RHBDD1: variants seen among roughly 807,000 people sequenced by gnomAD.
RHBDD1 encodes rhomboid domain containing 1, also known as rhomboid-related protein 4.
In RHBDD1, 38 loss-of-function variants were observed where a neutral mutation model predicts 36.3. That is an observed-to-expected ratio of 1.05 (90% confidence interval 0.81 to 1.37). The LOEUF is 1.37. Among genes scored for constraint, RHBDD1 ranks in the 40% most tolerant of loss-of-function variants. RHBDD1 has a pLI of 0.00. For missense variants in RHBDD1, 393 were observed against 377.6 expected (o/e 1.04, Z -0.34); for synonymous variants, 151 against 136.5 (o/e 1.11, Z -0.74).
At chr2:226,879,386 T>C (rs1945518066) in intron 5 of RHBDD1, among the ~76,000 whole-genome samples, 1 of 152,178 alleles carries the variant, frequency 6.6e-6, no homozygotes, top group African/African-American at 2.4e-5. Flanking sequence ...TTCTGCTAAT[T>C]TATTGTCTTT....
At chr2:226,838,541 A>G (rs1033175603) in intron 2 of RHBDD1, among the ~76,000 whole-genome samples, 1 of 152,210 alleles carries the variant, frequency 6.6e-6, no homozygotes, top group African/African-American at 2.4e-5. Context: ...AGGCCATTGA[A>G]TTAAATGAAA....
intron 5 of RHBDD1, chr2:226,867,726 C>CA: frequency 1.2e-6 from 1 of 801,944 alleles, no homozygotes; most frequent in Non-Finnish European, 1.5e-6. Flanking sequence ...TATTATTATT[C>CA]TTTTTTTTTT....
chr2:226,831,412 T>C (rs1381458580), upstream of RHBDD1, among the ~76,000 whole-genome samples: 3 of 152,170 alleles, frequency 2.0e-5, no homozygotes, highest in African/African-American at 7.2e-5. Context: ...TGTAATTCAT[T>C]AAGATGAGGT....
At chr2:226,968,396 C>G (rs1329059002) in intron 8 of RHBDD1, among the ~76,000 whole-genome samples, 2 of 152,182 alleles carry the variant, frequency 1.3e-5, no homozygotes, top group Non-Finnish European at 1.5e-5. Context: ...AAGCTGTAGT[C>G]CACAAGCAGA....
In RHBDD1 at chr2:226,864,621, T is replaced by A; in HGVS notation, c.-73T>A. ...TGTTTTAGGTTCAGCCGTCTGTATATCTCCCCAGATACCTGAAACTGACCA... is the reference window on the plus strand; with the variant it reads ...TGTTTTAGGTTCAGCCGTCTGTATAACTCCCCAGATACCTGAAACTGACCA... On this transcript the variant is annotated 5_prime_UTR_variant, in exon 4 of 9. The change creates a premature stop within an existing upstream ORF in the 5' untranslated region. Transcript: ENST00000392062. 1 of 1,222,620 alleles carries A rather than the reference T, an allele frequency of 8.2e-7. No homozygotes were observed. Among genetic ancestry groups the A allele is most frequent in the Non-Finnish European group, 1.2e-6 (1 of 852,122 alleles). 75.7% of individuals were successfully genotyped at this position (1,222,620 alleles called of 1,614,324 possible).
chr2:226,875,957 C>T (rs1283366749), intron 5 of RHBDD1, among the ~76,000 whole-genome samples: 3 of 152,192 alleles, frequency 2.0e-5, no homozygotes, highest in Non-Finnish European at 2.9e-5. Flanking sequence ...GGATGGAAAT[C>T]GGATTTGCCA....
the RHBDD1 span, among the ~76,000 whole-genome samples, chr2:226,807,328 T>C: frequency 6.6e-6 from 1 of 152,168 alleles, no homozygotes; most frequent in Non-Finnish European, 1.5e-5. Flanking sequence ...AAGGAGAAAA[T>C]AGTGGTTTTC....
chr2:226,940,311 A>G (rs1950583926), intron 8 of RHBDD1, among the ~76,000 whole-genome samples: 1 of 152,192 alleles, frequency 6.6e-6, no homozygotes, highest in Non-Finnish European at 1.5e-5. Context: ...AAAAGGATCT[A>G]AAAGAGCTTC....
intron 3 of RHBDD1, among the ~76,000 whole-genome samples, chr2:226,850,844 G>C (rs977466609): frequency 2.6e-5 from 4 of 151,976 alleles, no homozygotes; most frequent in African/African-American, 9.7e-5. Flanking sequence ...ACTCCTATTT[G>C]CTACAGAATC....
At chr2:226,885,312 A>C (rs1946116075) in intron 5 of RHBDD1, among the ~76,000 whole-genome samples, 1 of 152,182 alleles carries the variant, frequency 6.6e-6, no homozygotes, top group Non-Finnish European at 1.5e-5. Flanking sequence ...CCTTTGATTC[A>C]ATAATTAGCT....
At chr2:226,865,200 G>A in intron 4 of RHBDD1, 74 bp downstream of exon 4, 1 of 1,163,128 alleles carries the variant, frequency 8.6e-7, no homozygotes, top group Non-Finnish European at 1.2e-6. Flanking sequence ...ATTTTATGAA[G>A]TGTGGGTCCC....
chr2:226,958,580 C>A (rs1951948616), intron 8 of RHBDD1, among the ~76,000 whole-genome samples: 1 of 152,026 alleles, frequency 6.6e-6, no homozygotes, highest in Admixed American at 6.5e-5. Flanking sequence ...TGAGTAAAAT[C>A]TCAATGAAGC....
intron 8 of RHBDD1, among the ~76,000 whole-genome samples, chr2:226,933,334 G>A (rs1484183155): frequency 1.3e-5 from 2 of 152,084 alleles, no homozygotes; most frequent in East Asian, 3.9e-4. Flanking sequence ...AGTGGGTGCT[G>A]TTCTTTTCCC....
chr2:226,945,263 A>G (rs574519098), intron 8 of RHBDD1, among the ~76,000 whole-genome samples: 21 of 151,952 alleles, frequency 1.4e-4, no homozygotes, highest in African/African-American at 5.1e-4. Context: ...GCACCCATCA[A>G]CCTGTCATTC....
At chr2:226,820,241 TG>T in the RHBDD1 span, among the ~76,000 whole-genome samples, 51 of 152,252 alleles carry the variant, frequency 3.3e-4, no homozygotes, top group East Asian at 8.5e-3. Context: ...TTTTAATTAG[TG>T]ACAGTGAATT....
intron 2 of RHBDD1, among the ~76,000 whole-genome samples, chr2:226,839,028 G>T (rs1574724895): frequency 6.6e-6 from 1 of 152,198 alleles, no homozygotes; most frequent in Non-Finnish European, 1.5e-5. Context: ...AATGCTGTTA[G>T]CCCTGAAATT....
intron 8 of RHBDD1, among the ~76,000 whole-genome samples, chr2:226,929,217 A>G (rs1949857852): frequency 1.3e-5 from 2 of 152,122 alleles, no homozygotes; most frequent in Non-Finnish European, 2.9e-5. Flanking sequence ...ATACAGACAA[A>G]TATCTCTGAT....
At position 226,931,898 on chromosome 2, in the gene RHBDD1, T is replaced by G. The variant is rs1249110274; in HGVS notation, c.856+17547T>G. Among the ~76,000 whole-genome samples, 5 of 152,092 alleles carry G rather than the reference T, an allele frequency of 3.3e-5. No individual in the cohort carries two copies. In the South Asian group the frequency reaches 1.0e-3, roughly 31 times the overall value. The stretch of plus-strand genomic sequence containing the variant: ...AAAAAAAAAATCCCAAGATTTTGAC[T>G]TTATAGATCAGTTTGGGAAAAATTA... On this transcript the variant is annotated intron_variant, in intron 8 of 8. Transcript: ENST00000392062.
intron 5 of RHBDD1, among the ~76,000 whole-genome samples, chr2:226,898,031 C>T (rs1024518370): frequency 3.9e-5 from 6 of 152,070 alleles, no homozygotes; most frequent in Non-Finnish European, 5.9e-5. Flanking sequence ...CCAGCCCTGG[C>T]GGGAACTATT....
Sources: gnomAD v4.1 joint callset for allele counts (sites outside exome capture counted in the v4.1 genomes callset) on GRCh38, gnomAD v4.1.1 for gene constraint, MANE v1.5 for transcripts, NCBI Gene and HGNC (gene_info 2026-07-23, HGNC 2026-07-21) for gene names.